Variants in ADAMTS17 observed in about 807,000 individuals in gnomAD.
ADAMTS17 encodes A disintegrin and metalloproteinase with thrombospondin motifs 17.
ADAMTS17 carries 113 observed loss-of-function variants against 141.5 expected under a neutral mutation model. The ratio of observed to expected loss-of-function variants is 0.80; its 90% CI spans 0.69 to 0.93. The LOEUF is 0.93. Ranked by LOEUF, ADAMTS17 falls within the 40% of genes least tolerant of loss-of-function variation. The pLI is 0.00. For synonymous variants in ADAMTS17, 768 were observed against 630.6 expected (o/e 1.22, Z -3.27); for missense variants, 1,659 against 1,517.9 (o/e 1.09, Z -1.54).
chr15:100,226,019 T>G (rs1221735747), intron 7 of ADAMTS17, among the ~76,000 whole-genome samples: 2 of 141,150 alleles, frequency 1.4e-5, no homozygotes, highest in Non-Finnish European at 3.0e-5. Context: ...CATTCAGTCC[T>G]TATAGCAGTC....
chr15:100,120,127 C>T (rs931025501), intron 12 of ADAMTS17, among the ~76,000 whole-genome samples: 13 of 152,140 alleles, frequency 8.5e-5, no homozygotes, highest in East Asian at 1.9e-4. Context: ...GGAATGATGT[C>T]GGGAAGAGAG....
intron 12 of ADAMTS17, among the ~76,000 whole-genome samples, chr15:100,124,088 T>C (rs2037593412): frequency 6.6e-6 from 1 of 152,022 alleles, no homozygotes; most frequent in Admixed American, 6.6e-5. Context: ...GTCAGCCTCC[T>C]GAGTAGCTAA....
intron 10 of ADAMTS17, among the ~76,000 whole-genome samples, chr15:100,136,958 T>C (rs887522277): frequency 1.3e-5 from 2 of 152,194 alleles, no homozygotes; most frequent in Middle Eastern, 3.2e-3. Context: ...CTACAGGCAC[T>C]GGAGTGAGTG....
intron 2 of ADAMTS17, among the ~76,000 whole-genome samples, chr15:100,337,323 G>A (rs1324062461): frequency 6.6e-6 from 1 of 152,246 alleles, no homozygotes; most frequent in African/African-American, 2.4e-5. Context: ...TGGACACGTG[G>A]TCTGCAGTCA....
In ADAMTS17 at chr15:100,341,249, G is replaced by T; in HGVS notation, c.240C>A (p.Ala80=). 7.4e-7 allele frequency: 1 copy of T among 1,357,396 alleles called. No individual in the cohort carries two copies. Among genetic ancestry groups the T allele is most frequent in the Non-Finnish European group, 9.5e-7 (1 of 1,052,330 alleles). The allele number at this position is 1,357,396 out of a possible 1,614,324, so 84.1% of individuals were successfully genotyped here. A position where few individuals can be genotyped will look rare whatever the true frequency, so the allele number is the denominator to read the frequency against. ...CGAAGGCCGGCAGGTGCAGCAGCAG[G>T]GCGCGCTCTCCGGGCCGGGCGCGCG... ...AAPRARPGER[A]LLLHLPAFGR... The change falls in exon 2 of 22, where the codon GCC becomes GCA. Residue 80 remains alanine (A), a synonymous_variant. Coordinates refer to ENST00000268070, the MANE Select transcript of ADAMTS17 (RefSeq NM_139057.4).
At chr15:100,196,425 G>C (rs8031457) in intron 8 of ADAMTS17, among the ~76,000 whole-genome samples, 27,781 of 152,244 alleles carry the variant, frequency 0.18, 2,703 homozygotes, top group East Asian at 0.24. Flanking sequence ...AGCTCACACA[G>C]AAGTGGAATT....
intron 3 of ADAMTS17, among the ~76,000 whole-genome samples, chr15:100,314,232 A>G (rs1284116065): frequency 6.6e-6 from 1 of 152,266 alleles, no homozygotes; most frequent in African/African-American, 2.4e-5. Context: ...GCTAAATGCA[A>G]TATGTGAGTC....
At chr15:100,225,220 AG>A (rs1462605237) in intron 7 of ADAMTS17, among the ~76,000 whole-genome samples, 1 of 152,274 alleles carries the variant, frequency 6.6e-6, no homozygotes, top group Non-Finnish European at 1.5e-5. Context: ...ATTTTATAAA[AG>A]GGCTAAAAGA....
intron 20 of ADAMTS17, 94 bp downstream of exon 20, chr15:99,992,954 G>A (rs1032814072): frequency 1.5e-4 from 223 of 1,510,144 alleles, no homozygotes; most frequent in Non-Finnish European, 1.8e-4. Context: ...TGGGACTGCC[G>A]CGTAGAATTG....
At chr15:100,189,785 CCT>C (rs1367646853) in intron 8 of ADAMTS17, among the ~76,000 whole-genome samples, 1 of 152,178 alleles carries the variant, frequency 6.6e-6, no homozygotes, top group Admixed American at 6.5e-5. Flanking sequence ...CTGTGGATGC[CCT>C]GTCTTTCTCT....
intron 3 of ADAMTS17, among the ~76,000 whole-genome samples, chr15:100,292,265 GCTCAGCCCGTGAGAATCTACGAGAGACA>G (rs1567497336): frequency 1.4e-5 from 2 of 140,504 alleles, no homozygotes; most frequent in African/African-American, 2.8e-5. Context: ...TATGAGAGAC[GCTCAGCCCGTGAGAATCTACGAGAGACA>G]CTCAGCCCGT....
chr15:100,071,077 C>T lies in ADAMTS17; in HGVS notation c.2138-17023G>A, dbSNP rs2033935818. ...AAAGCAGATATCACCACTGATCCCA[C>T]AGAAATACAAACTGCCATCAGAGAT... is the stretch of plus-strand genomic sequence containing the variant. On this transcript the variant is annotated intron_variant, in intron 15 of 21. Transcript: ENST00000268070. 1.3e-5 allele frequency among the ~76,000 whole-genome samples: 2 copies of T among 150,344 alleles called. 1 individual carries two copies. The highest frequency in any genetic ancestry group is 4.9e-5 in the African/African-American group (2 of 40,634).
chr15:100,150,602 G>A (rs768241899), intron 10 of ADAMTS17, among the ~76,000 whole-genome samples: 11 of 152,156 alleles, frequency 7.2e-5, no homozygotes, highest in Admixed American at 3.9e-4. Flanking sequence ...TCATCCAACC[G>A]GGATGCAAGT....
At chr15:100,116,147 A>AAC (rs1555454305) in intron 13 of ADAMTS17, among the ~76,000 whole-genome samples, 3,008 of 146,632 alleles carry the variant, frequency 0.021, 144 homozygotes, top group African/African-American at 0.072. Context: ...AAAAAAAAAA[A>AAC]AAAAAAAAAA....
chr15:100,218,861 A>C (rs1249651897), intron 7 of ADAMTS17, among the ~76,000 whole-genome samples: 1 of 152,096 alleles, frequency 6.6e-6, no homozygotes, highest in Non-Finnish European at 1.5e-5. Flanking sequence ...GTAAACACGC[A>C]CACGTCCACC....
chr15:100,306,632 T>C (rs532660623), intron 3 of ADAMTS17: 11 of 452,058 alleles, frequency 2.4e-5, no homozygotes, highest in African/African-American at 1.6e-4. Context: ...ACAGAATCTA[T>C]GAACTTATTA....
chr15:100,220,404 A>C (rs2042097634), intron 7 of ADAMTS17, among the ~76,000 whole-genome samples: 1 of 152,186 alleles, frequency 6.6e-6, no homozygotes, highest in African/African-American at 2.4e-5. Flanking sequence ...GAAAATATTC[A>C]AACACAGAAA....
intron 3 of ADAMTS17, among the ~76,000 whole-genome samples, chr15:100,316,932 G>T (rs1260776617): frequency 1.3e-5 from 2 of 152,204 alleles, no homozygotes; most frequent in Non-Finnish European, 2.9e-5. Context: ...TCACACAGGT[G>T]GGCAGCAGGA....
chr15:100,126,229 A>C (rs892378386), intron 12 of ADAMTS17: 1 of 152,062 alleles, frequency 6.6e-6, no homozygotes, highest in African/African-American at 2.4e-5. Context: ...TAATCCACCC[A>C]CCCAAGGCCT....
Sources: allele counts gnomAD v4.1 joint callset (sites outside exome capture counted in the v4.1 genomes callset), GRCh38; gene constraint gnomAD v4.1.1; transcripts MANE v1.5; gene names NCBI Gene and HGNC (gene_info 2026-07-23, HGNC 2026-07-21).